The following MME variants were observed in gnomAD, a reference collection of about 807,000 sequenced individuals.
MME encodes the protein membrane metalloendopeptidase.
MME carries 98 observed loss-of-function variants against 113.2 expected under a neutral mutation model. That is an observed-to-expected ratio of 0.87 (90% CI 0.74 to 1.02). The LOEUF (loss-of-function observed/expected upper bound fraction) is 1.02. Among genes scored for constraint, MME ranks in the 50% least tolerant of loss-of-function variants. The pLI is 0.00. For synonymous variants in MME, 292 were observed against 300.6 expected (o/e 0.97, Z 0.30); for missense variants, 836 against 896.0 (o/e 0.93, Z 0.86).
intron 22 of MME, among the ~76,000 whole-genome samples, chr3:155,174,158 A>G (rs3796267): frequency 0.12 from 18,482 of 152,068 alleles, 1,569 homozygotes; most frequent in African/African-American, 0.22. Context: ...ACTGATCAGC[A>G]GTTAAGTAAA....
chr3:155,033,427 A>G lies in MME; in HGVS notation c.-11+9103A>G, dbSNP rs553306897. Reference sequence around the variant, plus strand: ...TATTTGCAAGTTATATGTTTCAAAAACTGTTTTCTATTCATTCAAAACTAT... The same window carrying G: ...TATTTGCAAGTTATATGTTTCAAAAGCTGTTTTCTATTCATTCAAAACTAT... On this transcript the variant is annotated intron_variant, in intron 1 of 22. Transcript: ENST00000492661. 1.1e-4 allele frequency among the ~76,000 whole-genome samples: 16 copies of G among 152,266 alleles called. No homozygotes were observed. In the East Asian group the frequency reaches 3.1e-3, roughly 29 times the overall value.
At chr3:155,175,476 A>G (rs1213169963) in intron 22 of MME, among the ~76,000 whole-genome samples, 2 of 151,928 alleles carry the variant, frequency 1.3e-5, no homozygotes, top group African/African-American at 4.8e-5. Context: ...GTTTTTGGTT[A>G]GCCATCTATA....
At chr3:155,142,641 C>T (rs1268420080) in intron 12 of MME, among the ~76,000 whole-genome samples, 3 of 152,010 alleles carry the variant, frequency 2.0e-5, no homozygotes, top group Non-Finnish European at 2.9e-5. Flanking sequence ...AAAGTAATTT[C>T]GGGGTTATCT....
intron 8 of MME, among the ~76,000 whole-genome samples, chr3:155,125,362 G>A (rs1293468781): frequency 6.8e-6 from 1 of 146,288 alleles, no homozygotes; most frequent in Admixed American, 7.1e-5. Flanking sequence ...ATGGAAATGC[G>A]GAAATCACCC....
At chr3:155,095,174 T>C (rs1374191067) in intron 3 of MME, among the ~76,000 whole-genome samples, 6 of 152,126 alleles carry the variant, frequency 3.9e-5, no homozygotes, top group African/African-American at 1.4e-4. Flanking sequence ...TTCAGTGGAG[T>C]AGTTTCTGTT....
At chr3:155,108,294 A>G (rs931123353) in intron 3 of MME, among the ~76,000 whole-genome samples, 2 of 152,176 alleles carry the variant, frequency 1.3e-5, no homozygotes, top group African/African-American at 4.8e-5. Flanking sequence ...GTAATGATGA[A>G]CATTAAAAAA....
intron 1 of MME, among the ~76,000 whole-genome samples, chr3:155,029,280 C>A (rs1266637326): frequency 6.6e-6 from 1 of 152,080 alleles, no homozygotes; most frequent in Non-Finnish European, 1.5e-5. Context: ...CCAATCTCAA[C>A]CAACTTTGAC....
intron 1 of MME, among the ~76,000 whole-genome samples, chr3:155,082,695 C>G (rs1453385284): frequency 6.6e-6 from 1 of 152,136 alleles, no homozygotes; most frequent in Non-Finnish European, 1.5e-5. Flanking sequence ...CTTATAGCCT[C>G]ATGTAATCAA....
intron 17 of MME, among the ~76,000 whole-genome samples, chr3:155,165,579 T>C (rs1017102767): frequency 2.0e-5 from 3 of 152,154 alleles, no homozygotes; most frequent in Admixed American, 6.6e-5. Flanking sequence ...CCCAGAGTTG[T>C]CTTTAATCTG....
At chr3:155,049,657 ATC>A (rs1559892442) in intron 1 of MME, among the ~76,000 whole-genome samples, 3 of 151,758 alleles carry the variant, frequency 2.0e-5, no homozygotes, top group African/African-American at 4.9e-5. Context: ...CTATCTATCT[ATC>A]TATCTATCTA....
intron 3 of MME, among the ~76,000 whole-genome samples, chr3:155,103,148 G>A (rs1167834310): frequency 1.3e-5 from 2 of 152,170 alleles, no homozygotes; most frequent in East Asian, 1.9e-4. Flanking sequence ...TCAATGTCTG[G>A]TTTTTGTCCA....
In MME at chr3:155,056,627, G is replaced by A. The variant is rs557191581; in HGVS notation, c.-10-27531G>A. 2.0e-3 allele frequency among the ~76,000 whole-genome samples: 297 copies of A among 151,430 alleles called. 2 individuals carry two copies. Among genetic ancestry groups the A allele is most frequent in the African/African-American group, 7.0e-3 (288 of 41,086 alleles). On this transcript the variant is annotated intron_variant, in intron 1 of 22. Coordinates refer to the MME transcript ENST00000492661. ...AGTCTTTGCTATTGTGAATAGTGCC[G>A]CAATAAACATACGTGTGCGTGTGTC...
Position 155,180,869 on chromosome 3 carries a change from T to C in MME, c.*410T>C. ...ACCAGAAGAACAGTAGGTGACACTA[T>C]AGTTTAAAACACATTGCCTAACTAC... On this transcript the variant is annotated 3_prime_UTR_variant, in exon 23 of 23. Coordinates refer to ENST00000360490, the MANE Select transcript of MME (RefSeq NM_007289.4). 4.6e-6 allele frequency: 1 copy of C among 215,802 alleles called. No homozygotes were observed. Among genetic ancestry groups the C allele is most frequent in the South Asian group, 7.1e-5 (1 of 14,166 alleles). 13.4% of individuals were successfully genotyped at this position (215,802 alleles called of 1,614,324 possible).
At chr3:155,094,235 G>A (rs1716533512) in intron 3 of MME, among the ~76,000 whole-genome samples, 1 of 152,174 alleles carries the variant, frequency 6.6e-6, no homozygotes, top group African/African-American at 2.4e-5. Flanking sequence ...TGGGAGATCT[G>A]GGATGTAAGT....
At chr3:155,125,444 CTTTT>C (rs1165027340) in intron 8 of MME, among the ~76,000 whole-genome samples, 4 of 65,286 alleles carry the variant, frequency 6.1e-5, no homozygotes, top group East Asian at 5.3e-4. Context: ...GCTCCTCCTC[CTTTT>C]TTTTTTTTTT....
At chr3:155,150,839 A>G (rs1312354163) in intron 16 of MME, among the ~76,000 whole-genome samples, 1 of 152,174 alleles carries the variant, frequency 6.6e-6, no homozygotes, top group Non-Finnish European at 1.5e-5. Context: ...ATTTATTTTT[A>G]TCTTCCAAAA....
chr3:155,179,793 A>C (rs1431660392), intron 22 of MME, among the ~76,000 whole-genome samples: 1 of 152,218 alleles, frequency 6.6e-6, no homozygotes, highest in Non-Finnish European at 1.5e-5. Flanking sequence ...CTTTCCAGTT[A>C]TTCAAGCTGA....
chr3:155,073,320 C>G (rs1714641669), intron 1 of MME, among the ~76,000 whole-genome samples: 1 of 152,174 alleles, frequency 6.6e-6, no homozygotes, highest in African/African-American at 2.4e-5. Context: ...GACCACAGCA[C>G]AGGAGATGTG....
At chr3:155,130,013 G>A (rs1268112024) in intron 8 of MME, among the ~76,000 whole-genome samples, 2 of 152,162 alleles carry the variant, frequency 1.3e-5, no homozygotes. Flanking sequence ...ATTGGAATTG[G>A]TCTCAAAGCT....
Sources: allele counts gnomAD v4.1 joint callset (sites outside exome capture counted in the v4.1 genomes callset), GRCh38; gene constraint gnomAD v4.1.1; transcripts MANE v1.5; gene names NCBI Gene and HGNC (gene_info 2026-07-23, HGNC 2026-07-21).